The following PIK3CD variants were observed in gnomAD, a reference collection of about 807,000 sequenced individuals.
PIK3CD encodes the protein phosphatidylinositol 4,5-bisphosphate 3-kinase catalytic subunit delta isoform.
A neutral mutation model predicts 122.9 loss-of-function variants in PIK3CD; 20 were observed. The observed-to-expected ratio is 0.16, with a 90% CI of 0.11 to 0.24. The LOEUF (loss-of-function observed/expected upper bound fraction) is 0.24, where lower values mean the gene tolerates loss of function less well. PIK3CD is among the 10% of genes least tolerant of loss of function. The pLI is 1.00. For synonymous variants in PIK3CD, 596 were observed against 593.4 expected, an observed-to-expected ratio of 1.00 and a Z score of -0.06; for missense variants, 787 against 1,406.3, an observed-to-expected ratio of 0.56 and a Z score of 7.04.
At position 9,715,059 on chromosome 1, in the gene PIK3CD, C is replaced by T. The variant is rs968720202; in HGVS notation, c.142-482C>T. 6.6e-6 allele frequency among the ~76,000 whole-genome samples: 1 copy of T among 152,140 alleles called. No homozygotes were observed. Among genetic ancestry groups the T allele is most frequent in the African/African-American group, 2.4e-5 (1 of 41,426 alleles). ...AGGCATGGTGGTGCATGCCTATAAT[C>T]CCAGCTACTCGGGAGGCTGAGGCAA... On this transcript the variant is annotated intron_variant, in intron 3 of 23. Transcript: ENST00000377346. The surrounding 1 kb of genome is among the most constrained non-coding windows in gnomAD (Gnocchi z 4.1).
In PIK3CD at chr1:9,710,791, T is replaced by A. The variant is rs1233552576; in HGVS notation, c.141+195T>A. The stretch of plus-strand genomic sequence containing the variant: ...AGATAAATAATGGTTTGTTTGTTTG[T>A]TTGTTTGTTTTGAGACGGAGTTTCG... On this transcript the variant is annotated intron_variant, in intron 3 of 23. Transcript: ENST00000377346. This position sits in a 1 kb window ranked among gnomAD's most constrained non-coding sequence, Gnocchi z 4.7. Among the ~76,000 whole-genome samples the A allele has an allele frequency of 2.0e-5, 3 of 152,180 alleles. No homozygotes were observed. The highest frequency in any genetic ancestry group is 7.2e-5 in the African/African-American group (3 of 41,426).
the PIK3CD span, among the ~76,000 whole-genome samples, chr1:9,643,452 A>AAGGG: frequency 1.2e-3 from 130 of 104,062 alleles, no homozygotes; most frequent in African/African-American, 4.6e-3. Context: ...GGAAGGAAGG[A>AAGGG]AGGGAGGGAG....
intron 2 of PIK3CD, among the ~76,000 whole-genome samples, chr1:9,692,653 C>A (rs1646245739): frequency 6.6e-6 from 1 of 152,106 alleles, no homozygotes; most frequent in South Asian, 2.1e-4. Flanking sequence ...TCACTTGAAC[C>A]CAGGAGGCGG....
chr1:9,650,968 C>G (rs1644660313), upstream of PIK3CD, among the ~76,000 whole-genome samples: 1 of 152,144 alleles, frequency 6.6e-6, no homozygotes, highest in Non-Finnish European at 1.5e-5. Context: ...CTCAGCCTCC[C>G]GAGTAGCTGG....
the PIK3CD span, among the ~76,000 whole-genome samples, chr1:9,640,713 G>A: frequency 6.6e-6 from 1 of 152,012 alleles, no homozygotes; most frequent in South Asian, 2.1e-4. Flanking sequence ...TCTATTGCAG[G>A]CTTTTTCACA....
the PIK3CD span, among the ~76,000 whole-genome samples, chr1:9,630,866 G>A: frequency 6.6e-6 from 1 of 152,126 alleles, no homozygotes; most frequent in African/African-American, 2.4e-5. Flanking sequence ...TCCTGGCCCA[G>A]CAGGGAGGGC....
At chr1:9,697,602 G>A (rs1431526198) in intron 2 of PIK3CD, among the ~76,000 whole-genome samples, 2 of 151,692 alleles carry the variant, frequency 1.3e-5, no homozygotes, top group East Asian at 1.9e-4. Context: ...GGTATGTGGT[G>A]TGCACCTGTA....
chr1:9,637,520 G>A, the PIK3CD span, among the ~76,000 whole-genome samples: 1 of 151,908 alleles, frequency 6.6e-6, no homozygotes, highest in Non-Finnish European at 1.5e-5. Context: ...TATCTTAATA[G>A]ATAAGTAAAT....
chr1:9,636,637 A>C, the PIK3CD span, among the ~76,000 whole-genome samples: 3 of 152,188 alleles, frequency 2.0e-5, no homozygotes, highest in African/African-American at 7.2e-5. Flanking sequence ...CATAGGGAGA[A>C]GGCAGCGGCT....
At chr1:9,653,532 G>A (rs1644743172) in intron 1 of PIK3CD, 1 of 299,244 alleles carries the variant, frequency 3.3e-6, no homozygotes, top group African/African-American at 2.2e-5. Flanking sequence ...ATTCTCTTGG[G>A]GGGGATTTGG....
chr1:9,677,223 G>A (rs57235318), intron 1 of PIK3CD, among the ~76,000 whole-genome samples: 2,052 of 152,280 alleles, frequency 0.013, 42 homozygotes, highest in African/African-American at 0.044. Context: ...ACACTTGACG[G>A]GGGGACTGCC....
At chr1:9,629,879 C>T in the PIK3CD span, among the ~76,000 whole-genome samples, 4 of 152,186 alleles carry the variant, frequency 2.6e-5, no homozygotes, top group Admixed American at 2.6e-4. Context: ...TCCTGTTTTT[C>T]TCCCCAACGA....
intron 6 of PIK3CD, 96 bp from the exon 7 acceptor site, chr1:9,716,863 A>T: frequency 6.5e-7 from 1 of 1,540,462 alleles, no homozygotes; most frequent in South Asian, 1.1e-5. Flanking sequence ...AAGGCCTAGG[A>T]CAGGCAGTGG....
chr1:9,726,304 C>T (rs555286006), intron 23 of PIK3CD, among the ~76,000 whole-genome samples: 115 of 152,066 alleles, frequency 7.6e-4, no homozygotes, highest in East Asian at 4.1e-3. Flanking sequence ...GTCAGGAGAT[C>T]GAGACCATCC....
chr1:9,630,707 A>AGTGTGTGTGTGTGT, the PIK3CD span, among the ~76,000 whole-genome samples: 139 of 147,666 alleles, frequency 9.4e-4, 1 homozygote, highest in African/African-American at 3.1e-3. Context: ...AAAGAAAGTG[A>AGTGTGTGTGTGTGT]GTGTGTGTGT....
intron 1 of PIK3CD, among the ~76,000 whole-genome samples, chr1:9,681,435 G>A (rs1645747069): frequency 6.6e-6 from 1 of 152,122 alleles, no homozygotes; most frequent in Admixed American, 6.6e-5. Flanking sequence ...GTTTGTTTGA[G>A]ACGGAGTCTC....
At position 9,722,736 on chromosome 1, in the gene PIK3CD, G is replaced by A. The variant is rs912981667; in HGVS notation, c.2426+130G>A. ...GGAAAGGGCTTTCCTAGGAAGACCC[G>A]GAGGCGGTTTAACTCTAGGCCAGGA... On this transcript the variant is annotated intron_variant, in intron 19 of 23. Coordinates refer to ENST00000377346, the MANE Select transcript of PIK3CD (RefSeq NM_005026.5). This position sits in a 1 kb window ranked among gnomAD's most constrained non-coding sequence, Gnocchi z 7.6. 5.8e-5 allele frequency: 48 copies of A among 830,254 alleles called. No homozygotes were observed. Among genetic ancestry groups the A allele is most frequent in the Admixed American group, 2.0e-4 (10 of 49,930 alleles). The allele number at this position is 830,254 out of a possible 1,614,324, so 51.4% of individuals were successfully genotyped here. A position where few individuals can be genotyped will look rare whatever the true frequency, so the allele number is the denominator to read the frequency against.
chr1:9,707,181 T>A (rs532736797), intron 2 of PIK3CD, among the ~76,000 whole-genome samples: 2 of 152,064 alleles, frequency 1.3e-5, no homozygotes, highest in East Asian at 3.9e-4. Flanking sequence ...GTTGCCTTTC[T>A]CTTGGGCAAC....
intron 3 of PIK3CD, among the ~76,000 whole-genome samples, chr1:9,712,437 C>T (rs1038958564): frequency 6.6e-6 from 1 of 152,024 alleles, no homozygotes; most frequent in Non-Finnish European, 1.5e-5. Flanking sequence ...CGTGCCACCA[C>T]GCCCGGCTAA....
Sources: allele counts gnomAD v4.1 joint callset (sites outside exome capture counted in the v4.1 genomes callset), GRCh38; gene constraint gnomAD v4.1.1; non-coding constraint Gnocchi (gnomAD v3.1); transcripts MANE v1.5; gene names NCBI Gene and HGNC (gene_info 2026-07-23, HGNC 2026-07-21).